Variants in CDK14 observed in about 807,000 individuals in gnomAD.
CDK14 encodes the protein cyclin dependent kinase 14.
A neutral mutation model predicts 60.7 loss-of-function variants in CDK14; 34 were observed. The observed-to-expected ratio is 0.56, with a 90% CI of 0.43 to 0.75. The LOEUF (loss-of-function observed/expected upper bound fraction) is 0.75, where lower values mean the gene tolerates loss of function less well. Ranked by LOEUF, CDK14 falls within the 30% of genes least tolerant of loss-of-function variation. CDK14 has a pLI of 0.00. For synonymous variants in CDK14, 197 were observed against 203.7 expected (o/e 0.97, Z 0.28); for missense variants, 482 against 564.1 (o/e 0.85, Z 1.47).
chr7:90,815,663 A>T (rs941500913), intron 5 of CDK14, among the ~76,000 whole-genome samples: 14 of 152,258 alleles, frequency 9.2e-5, no homozygotes, highest in African/African-American at 3.4e-4. Flanking sequence ...ACTTGGAACC[A>T]ATCCAAATGC....
intron 10 of CDK14, among the ~76,000 whole-genome samples, chr7:91,018,310 G>A (rs1796352422): frequency 6.6e-6 from 1 of 152,088 alleles, no homozygotes; most frequent in Non-Finnish European, 1.5e-5. Flanking sequence ...TAAGAGAACT[G>A]TCTTAGTCTC....
intron 4 of CDK14, among the ~76,000 whole-genome samples, chr7:90,785,439 T>G (rs181556420): frequency 1.3e-5 from 2 of 152,218 alleles, no homozygotes; most frequent in East Asian, 3.9e-4. Context: ...TTGAGCTAAG[T>G]GGGGAGTTTT....
rs555741543 is a variant in CDK14 at position 90,655,998 on chromosome 7, C to T, written c.123+51749C>T. Among the ~76,000 whole-genome samples the T allele has an allele frequency of 5.9e-5, 9 of 152,266 alleles. No homozygotes were observed. The East Asian group carries it at 1.7e-3, about 29-fold the overall frequency. Reference sequence around the variant, plus strand: ...CAAGTATGAGGCCTGTCTCTGCAGCCTGGGGATGTTATAAAGGTGGATTAG... The same window carrying T: ...CAAGTATGAGGCCTGTCTCTGCAGCTTGGGGATGTTATAAAGGTGGATTAG... On this transcript the variant is annotated intron_variant, in intron 2 of 14. Transcript: ENST00000380050.
chr7:90,839,916 G>A (rs1169018035), intron 5 of CDK14, among the ~76,000 whole-genome samples: 1 of 152,098 alleles, frequency 6.6e-6, no homozygotes, highest in Non-Finnish European at 1.5e-5. Context: ...TTTGCTTGCT[G>A]GGATGTTTAC....
chr7:91,012,585 T>C (rs912710303), intron 10 of CDK14, among the ~76,000 whole-genome samples: 1 of 152,204 alleles, frequency 6.6e-6, no homozygotes, highest in African/African-American at 2.4e-5. Flanking sequence ...CAATCATAGA[T>C]TCAACTTGTT....
At chr7:91,131,414 A>G (rs1387939287) in intron 14 of CDK14, among the ~76,000 whole-genome samples, 1 of 152,178 alleles carries the variant, frequency 6.6e-6, no homozygotes, top group African/African-American at 2.4e-5. Context: ...TTTTAAAGCC[A>G]ACGTGATATC....
intron 11 of CDK14, among the ~76,000 whole-genome samples, chr7:91,066,302 C>T (rs1253186669): frequency 6.6e-6 from 1 of 152,154 alleles, no homozygotes; most frequent in Non-Finnish European, 1.5e-5. Flanking sequence ...AAAAGATCTA[C>T]TGAAGTTTGA....
intron 1 of CDK14, among the ~76,000 whole-genome samples, chr7:90,601,498 G>A (rs1490760143): frequency 6.6e-6 from 1 of 152,184 alleles, no homozygotes; most frequent in African/African-American, 2.4e-5. Context: ...GAGCTTGAGA[G>A]TATTGTGCAG....
At chr7:91,056,140 C>T (rs73708234) in intron 11 of CDK14, among the ~76,000 whole-genome samples, 2,928 of 152,264 alleles carry the variant, frequency 0.019, 99 homozygotes, top group African/African-American at 0.067. Context: ...CGTTGTCCCT[C>T]GTCTTCAAGG....
At chr7:90,678,124 G>T (rs1268231812) in intron 2 of CDK14, among the ~76,000 whole-genome samples, 1 of 152,222 alleles carries the variant, frequency 6.6e-6, no homozygotes, top group Non-Finnish European at 1.5e-5. Context: ...AGCCTTTGTT[G>T]AGGAACAGTA....
chr7:90,892,060 T>C (rs1409410662), intron 6 of CDK14, among the ~76,000 whole-genome samples: 2 of 152,204 alleles, frequency 1.3e-5, no homozygotes, highest in Admixed American at 1.3e-4. Flanking sequence ...CTATACTTGT[T>C]TCTGCCCTGG....
intron 9 of CDK14, among the ~76,000 whole-genome samples, chr7:90,965,501 G>C (rs1584177247): frequency 6.6e-6 from 1 of 152,184 alleles, no homozygotes; most frequent in African/African-American, 2.4e-5. Flanking sequence ...TAGTTGGAGA[G>C]GGAGTCATGG....
chr7:91,104,149 TC>T (rs1331256931), intron 12 of CDK14, among the ~76,000 whole-genome samples: 2 of 152,166 alleles, frequency 1.3e-5, no homozygotes, highest in Non-Finnish European at 2.9e-5. Context: ...CAGTCTCTTG[TC>T]CCACATACCC....
At chr7:90,742,100 TTTAA>T (rs1029410722) in intron 3 of CDK14, among the ~76,000 whole-genome samples, 2 of 152,114 alleles carry the variant, frequency 1.3e-5, no homozygotes, top group Non-Finnish European at 2.9e-5. Context: ...TGGCCTTTTG[TTTAA>T]TTAGTTAGTT....
At chr7:90,794,598 C>T (rs974703523) in intron 5 of CDK14, among the ~76,000 whole-genome samples, 3 of 152,220 alleles carry the variant, frequency 2.0e-5, no homozygotes, top group Admixed American at 2.0e-4. Flanking sequence ...TTCTGCCCGG[C>T]TGTCAGGCAG....
At chr7:90,912,505 A>C (rs1792940732) in intron 7 of CDK14, among the ~76,000 whole-genome samples, 1 of 152,214 alleles carries the variant, frequency 6.6e-6, no homozygotes, top group Admixed American at 6.5e-5. Flanking sequence ...TGTTTCTTAC[A>C]TCTTTAGAGC....
rs371519163 is a variant in CDK14, at chr7:90,726,528, G to T, written c.124-39G>T. ...TGGCATGTTTAGTGATATTAAAGTT[G>T]CAGTGAAGAGTTCTGAATTTAATTT... On this transcript the variant is annotated intron_variant, in intron 2 of 14. Coordinates refer to ENST00000380050, the MANE Select transcript of CDK14 (RefSeq NM_001287135.2). The T allele has an allele frequency of 2.5e-6, 4 of 1,595,994 alleles. No homozygotes were observed. In the African/African-American group the frequency reaches 4.0e-5, roughly 16 times the overall value.
intron 12 of CDK14, among the ~76,000 whole-genome samples, chr7:91,092,971 A>T (rs542959671): frequency 6.6e-6 from 1 of 152,362 alleles, no homozygotes; most frequent in South Asian, 2.1e-4. Context: ...TATTGCATAC[A>T]TCACAGAGTA....
At chr7:90,996,639 C>T (rs1464094351) in intron 10 of CDK14, among the ~76,000 whole-genome samples, 2 of 152,254 alleles carry the variant, frequency 1.3e-5, no homozygotes, top group Admixed American at 6.5e-5. Flanking sequence ...GACAGTCATA[C>T]GTTTCCAGGT....
Sources: gnomAD v4.1 joint callset for allele counts (sites outside exome capture counted in the v4.1 genomes callset) on GRCh38, gnomAD v4.1.1 for gene constraint, MANE v1.5 for transcripts, NCBI Gene and HGNC (gene_info 2026-07-23, HGNC 2026-07-21) for gene names.